Variants in MELK observed in about 807,000 individuals in gnomAD.
MELK encodes maternal embryonic leucine zipper kinase.
MELK carries 81 observed loss-of-function variants against 85.0 expected under a neutral mutation model. That is an observed-to-expected ratio of 0.95 (90% CI 0.80 to 1.15). The LOEUF (loss-of-function observed/expected upper bound fraction) is 1.15, where lower values mean the gene tolerates loss of function less well. MELK is among the 50% of genes most tolerant of loss of function. MELK has a pLI of 0.00. For missense variants in MELK, 754 were observed against 777.5 expected, an observed-to-expected ratio of 0.97 and a Z score of 0.36; for synonymous variants, 252 against 265.0, an observed-to-expected ratio of 0.95 and a Z score of 0.48.
At chr9:36,617,288 T>G (rs7032598) in intron 8 of MELK, among the ~76,000 whole-genome samples, 4,431 of 152,208 alleles carry the variant, frequency 0.029, 217 homozygotes, top group African/African-American at 0.1. Context: ...TGTGCAGGAA[T>G]TTTTAGTTTT....
chr9:36,645,281 A>G (rs550285186), intron 11 of MELK, among the ~76,000 whole-genome samples: 1 of 143,686 alleles, frequency 7.0e-6, no homozygotes, highest in East Asian at 2.0e-4. Context: ...AAAAAGTAAC[A>G]TATTTAGAGT....
In MELK at chr9:36,657,257, T is replaced by G. The variant is rs754874504; in HGVS notation, c.1070T>G (p.Leu357Arg). 1.9e-6 allele frequency: 3 copies of G among 1,612,350 alleles called. No individual in the cohort carries two copies. The African/African-American group carries it at 4.0e-5, about 22-fold the overall frequency. ...ATTGAGTAGTCAAATAATTGGAGTCTGGAAGATGTGACCGCAAGTGATAAA... is the reference window on the plus strand; with the variant it reads ...ATTGAGTAGTCAAATAATTGGAGTCGGGAAGATGTGACCGCAAGTGATAAA... ...FTDIKSNNWS[L>R]EDVTASDKNY... The change falls in exon 13 of 18, where the codon CTG (leucine) becomes CGG (arginine). Residue 357 changes from leucine (L) to arginine (R), a missense_variant. Leu to Arg is a moderately radical substitution (Grantham distance 102). Transcript: ENST00000298048.
intron 8 of MELK, among the ~76,000 whole-genome samples, chr9:36,623,305 G>A (rs1356120738): frequency 6.6e-6 from 1 of 152,204 alleles, no homozygotes; most frequent in Non-Finnish European, 1.5e-5. Context: ...GTATAATGTG[G>A]TTAATAGTCC....
chr9:36,586,548 T>C (rs1182967261), intron 3 of MELK, among the ~76,000 whole-genome samples: 1 of 152,154 alleles, frequency 6.6e-6, no homozygotes, highest in Admixed American at 6.6e-5. Context: ...TTTATTAATC[T>C]AAGAAAAAAG....
chr9:36,578,210 G>C (rs749185309), intron 1 of MELK, among the ~76,000 whole-genome samples: 1 of 150,102 alleles, frequency 6.7e-6, no homozygotes, highest in African/African-American at 2.4e-5. Flanking sequence ...AACTGTTACT[G>C]ATTTTGTATG....
chr9:36,595,616 T>G (rs1268402454), intron 5 of MELK, among the ~76,000 whole-genome samples: 1 of 150,210 alleles, frequency 6.7e-6, no homozygotes, highest in East Asian at 2.0e-4. Context: ...TTTTTTTTTT[T>G]TTTTTTTTAA....
intron 8 of MELK, among the ~76,000 whole-genome samples, chr9:36,620,950 T>C (rs1827343934): frequency 2.0e-5 from 3 of 151,936 alleles, no homozygotes; most frequent in Admixed American, 6.6e-5. Context: ...ATTTCTTAAA[T>C]ATCCCTAAAC....
intron 17 of MELK, 31 bp from the exon 18 acceptor site, chr9:36,677,129 A>C (rs1056252764): frequency 6.3e-7 from 1 of 1,594,604 alleles, no homozygotes; most frequent in Non-Finnish European, 8.6e-7. Flanking sequence ...TGGTTCTCCT[A>C]CTAACTAGCT....
chr9:36,613,147 A>T (rs1826214594), intron 8 of MELK, among the ~76,000 whole-genome samples: 1 of 152,066 alleles, frequency 6.6e-6, no homozygotes, highest in Non-Finnish European at 1.5e-5. Flanking sequence ...TTCCTGGAAC[A>T]CGCTAAGGTG....
At chr9:36,641,688 A>G (rs1169062719) in intron 10 of MELK, among the ~76,000 whole-genome samples, 1 of 148,902 alleles carries the variant, frequency 6.7e-6, no homozygotes, top group African/African-American at 2.5e-5. Flanking sequence ...GCTCCCCACA[A>G]CCTCCGCCTC....
At chr9:36,665,297 G>T in intron 13 of MELK, 53 bp from the exon 14 acceptor site, 2 of 1,117,720 alleles carry the variant, frequency 1.8e-6, no homozygotes, top group Non-Finnish European at 2.6e-6. Flanking sequence ...ATGTTGTAAA[G>T]AAATTGACTT....
chr9:36,643,310 G>A lies in MELK; in HGVS notation c.921+227G>A, dbSNP rs546641342. Among the ~76,000 whole-genome samples the A allele has an allele frequency of 1.1e-3, 166 of 152,210 alleles. 1 individual carries two copies. The highest frequency in any genetic ancestry group is 3.5e-3 in the Admixed American group (53 of 15,304). ...AGGCACGAGAATCACTTGAACCCGGGAGGCAGAGGTTGCAGTGAGCTGAGA... is the reference window on the plus strand; with the variant it reads ...AGGCACGAGAATCACTTGAACCCGGAAGGCAGAGGTTGCAGTGAGCTGAGA... On this transcript the variant is annotated intron_variant, in intron 11 of 17. Transcript: ENST00000298048.
Position 36,677,426 on chromosome 9 carries a change from T to C in MELK, c.*89T>C. The C allele has an allele frequency of 8.2e-7, 1 of 1,223,810 alleles. No individual in the cohort carries two copies. The highest frequency in any genetic ancestry group is 1.1e-6 in the Non-Finnish European group (1 of 912,458). The allele number at this position is 1,223,810 out of a possible 1,614,324, so 75.8% of individuals were successfully genotyped here. On this transcript the variant is annotated 3_prime_UTR_variant, in exon 18 of 18. Coordinates refer to ENST00000298048, the MANE Select transcript of MELK (RefSeq NM_014791.4). Reference sequence around the variant, plus strand: ...ATGATCGCTTTGATTTTAAAGTTCATTGGAACTACCAACTTGTTTCTAAAG... The same window carrying C: ...ATGATCGCTTTGATTTTAAAGTTCACTGGAACTACCAACTTGTTTCTAAAG...
chr9:36,586,344 G>GAA (rs202094773), intron 3 of MELK, among the ~76,000 whole-genome samples: 11 of 99,524 alleles, frequency 1.1e-4, no homozygotes, highest in Middle Eastern at 5.9e-3. Context: ...CCTGTCTCCA[G>GAA]AAAAAAAAAA....
At chr9:36,589,188 G>T (rs1465809161) in intron 3 of MELK, among the ~76,000 whole-genome samples, 1 of 149,742 alleles carries the variant, frequency 6.7e-6, no homozygotes, top group African/African-American at 2.5e-5. Flanking sequence ...TTGCTCTGTT[G>T]CCCAGGCGGG....
intron 5 of MELK, among the ~76,000 whole-genome samples, chr9:36,596,967 A>G (rs1448483748): frequency 6.6e-6 from 1 of 152,122 alleles, no homozygotes; most frequent in African/African-American, 2.4e-5. Flanking sequence ...TTTTAACAGA[A>G]ACAACCTTAA....
In MELK at chr9:36,665,347, C is replaced by T. The variant is rs1432644115; in HGVS notation, c.1177-3C>T. 3.2e-6 allele frequency: 5 copies of T among 1,570,120 alleles called. No individual in the cohort carries two copies. Among genetic ancestry groups the T allele is most frequent in the Non-Finnish European group, 3.5e-6 (4 of 1,159,298 alleles). ...GCTTTATCTAGTAACTTTTTTTTTC[C>T]AGTTTACCAAGTACTGGACAGAATC... On this transcript the variant is annotated splice_polypyrimidine_tract_variant and splice_region_variant and intron_variant, in intron 13 of 17. Coordinates refer to ENST00000298048, the MANE Select transcript of MELK (RefSeq NM_014791.4).
intron 7 of MELK, among the ~76,000 whole-genome samples, chr9:36,603,108 C>G (rs1056093265): frequency 2.6e-5 from 4 of 151,996 alleles, no homozygotes. Flanking sequence ...TGGGTTTTTC[C>G]TATGTAATTT....
At chr9:36,641,710 C>T (rs1023792645) in intron 10 of MELK, among the ~76,000 whole-genome samples, 6 of 150,366 alleles carry the variant, frequency 4.0e-5, no homozygotes, top group South Asian at 2.1e-4. Flanking sequence ...TGTGTTCAAG[C>T]GATTCTCCTG....
Sources: allele counts gnomAD v4.1 joint callset (sites outside exome capture counted in the v4.1 genomes callset), GRCh38; gene constraint gnomAD v4.1.1; transcripts MANE v1.5; gene names NCBI Gene and HGNC (gene_info 2026-07-23, HGNC 2026-07-21).